Variants in CTNNA2 observed in about 807,000 individuals in gnomAD.
CTNNA2 encodes catenin alpha-2.
Under a neutral mutation model 101.0 loss-of-function variants are expected in CTNNA2, and 42 were observed. That is an observed-to-expected ratio of 0.42 (90% CI 0.32 to 0.54). CTNNA2 has a LOEUF of 0.54. Among genes scored for constraint, CTNNA2 ranks in the 20% least tolerant of loss-of-function variants. The pLI, the probability that CTNNA2 is intolerant of heterozygous loss-of-function variation, is 0.14. For synonymous variants in CTNNA2, 450 were observed against 456.4 expected, an observed-to-expected ratio of 0.99 and a Z score of 0.18; for missense variants, 871 against 1,223.1, an observed-to-expected ratio of 0.71 and a Z score of 4.29.
chr2:80,558,868 A>C (rs1289384534), intron 12 of CTNNA2, among the ~76,000 whole-genome samples: 1 of 152,116 alleles, frequency 6.6e-6, no homozygotes, highest in African/African-American at 2.4e-5. Flanking sequence ...TTTATTTTTA[A>C]AAAATTCTGT....
Position 79,270,374 on chromosome 2 carries a change from T to C in CTNNA2, c.-405-42335T>C, listed in dbSNP as rs374040530. ...TTTTTCTGATGTGCAATCTGCTTCCTTGCTAATGTCAGCCTTGATATTCTC... is the reference window on the plus strand; with the variant it reads ...TTTTTCTGATGTGCAATCTGCTTCCCTGCTAATGTCAGCCTTGATATTCTC... On this transcript the variant is annotated intron_variant, in intron 2 of 21. Coordinates refer to the CTNNA2 transcript ENST00000466387. 9.2e-5 allele frequency among the ~76,000 whole-genome samples: 14 copies of C among 152,268 alleles called. No homozygotes were observed. In the East Asian group the frequency reaches 1.6e-3, roughly 17 times the overall value.
chr2:79,627,856 T>A (rs1036983175), intron 1 of CTNNA2, among the ~76,000 whole-genome samples: 1 of 152,208 alleles, frequency 6.6e-6, no homozygotes, highest in Non-Finnish European at 1.5e-5. Context: ...ATTTGATGCC[T>A]TAAAAGTATA....
intron 7 of CTNNA2, among the ~76,000 whole-genome samples, chr2:80,180,081 C>T (rs1170848843): frequency 6.6e-6 from 1 of 152,110 alleles, no homozygotes; most frequent in Non-Finnish European, 1.5e-5. Context: ...CCAGTAGTCC[C>T]CGAAAGTTCT....
rs1674288409 is a variant in CTNNA2 at position 80,647,952 on chromosome 2, C to T, written c.*80C>T. 1 of 1,365,150 alleles carries T rather than the reference C, an allele frequency of 7.3e-7. No individual in the cohort carries two copies. The highest frequency in any genetic ancestry group is 1.5e-5 in the African/African-American group (1 of 68,382). The allele number at this position is 1,365,150 out of a possible 1,614,324, so 84.6% of individuals were successfully genotyped here. ...TTTTAATTCCATTTTTGTATGCATACCTGCCAGCTCGTATGCCTCTGGCAT... is the reference window on the plus strand; with the variant it reads ...TTTTAATTCCATTTTTGTATGCATATCTGCCAGCTCGTATGCCTCTGGCAT... On this transcript the variant is annotated 3_prime_UTR_variant, in exon 19 of 19. Transcript: ENST00000402739.
intron 7 of CTNNA2, among the ~76,000 whole-genome samples, chr2:80,097,764 C>A (rs1466892824): frequency 6.6e-6 from 1 of 152,136 alleles, no homozygotes; most frequent in Non-Finnish European, 1.5e-5. Context: ...TTTCGTCTTC[C>A]ATCGCTGATA....
At chr2:79,693,865 T>C (rs1343902633) in intron 2 of CTNNA2, among the ~76,000 whole-genome samples, 1 of 151,960 alleles carries the variant, frequency 6.6e-6, no homozygotes, top group Non-Finnish European at 1.5e-5. Flanking sequence ...AGCTGTGAAG[T>C]AATCATGGGG....
chr2:79,985,855 A>G (rs149584860), intron 7 of CTNNA2, among the ~76,000 whole-genome samples: 6 of 152,286 alleles, frequency 3.9e-5, no homozygotes, highest in African/African-American at 1.4e-4. Flanking sequence ...ATATCATACC[A>G]GGGCAAGTGC....
intron 7 of CTNNA2, among the ~76,000 whole-genome samples, chr2:80,135,541 G>C (rs114036083): frequency 6.6e-6 from 1 of 152,142 alleles, no homozygotes; most frequent in Non-Finnish European, 1.5e-5. Flanking sequence ...GCCCTCTCAG[G>C]GTGCAGGGAA....
chr2:79,353,959 G>C (rs576641908), intron 3 of CTNNA2, among the ~76,000 whole-genome samples: 2 of 151,954 alleles, frequency 1.3e-5, no homozygotes, highest in South Asian at 4.2e-4. Context: ...TTAAATTCTT[G>C]GTTGGAATTT....
At chr2:80,059,861 A>G (rs1248002151) in intron 7 of CTNNA2, among the ~76,000 whole-genome samples, 1 of 152,182 alleles carries the variant, frequency 6.6e-6, no homozygotes, top group African/African-American at 2.4e-5. Flanking sequence ...AGCCGTAACC[A>G]TTGAGCTGGC....
chr2:79,905,868 A>G (rs754792521), intron 6 of CTNNA2, among the ~76,000 whole-genome samples: 1 of 151,950 alleles, frequency 6.6e-6, no homozygotes, highest in East Asian at 1.9e-4. Flanking sequence ...CCTTCTTTTC[A>G]CTTTTTCATT....
chr2:79,874,378 A>AC (rs752595886), intron 6 of CTNNA2, 36 bp downstream of exon 6: 1 of 1,575,430 alleles, frequency 6.3e-7, no homozygotes, highest in African/African-American at 1.4e-5. Context: ...AGGGGTGGGC[A>AC]CTGGTGTTGA....
intron 5 of CTNNA2, 37 bp downstream of exon 5, chr2:79,869,972 G>C: frequency 6.2e-7 from 1 of 1,607,962 alleles, no homozygotes. Context: ...GGAGAAAATG[G>C]GTGAGTTTAA....
chr2:79,785,795 T>C (rs1674793190), intron 3 of CTNNA2, among the ~76,000 whole-genome samples: 1 of 152,118 alleles, frequency 6.6e-6, no homozygotes, highest in Non-Finnish European at 1.5e-5. Flanking sequence ...TCCATTGTGA[T>C]TGAGAAAATG....
rs372066926 is a variant in CTNNA2 at position 79,201,096 on chromosome 2, C to CT, written c.-406+3027dup. 4.6e-5 allele frequency among the ~76,000 whole-genome samples: 7 copies of CT among 151,926 alleles called. No individual in the cohort carries two copies. The East Asian group carries it at 5.8e-4, about 13-fold the overall frequency. On this transcript the variant is annotated intron_variant, in intron 2 of 21. Coordinates refer to the CTNNA2 transcript ENST00000466387. ...ATCAAAATAAAACATTTCCCCCCCC[C>CT]TTTTTTTGTGGAAATTTAGCCACAT...
At chr2:79,642,790 T>TC (rs1680536742) in intron 1 of CTNNA2, among the ~76,000 whole-genome samples, 1 of 145,822 alleles carries the variant, frequency 6.9e-6, no homozygotes, top group Non-Finnish European at 1.5e-5. Flanking sequence ...TTTTTTTTTT[T>TC]CCCTCAACTT....
chr2:79,562,810 G>T (rs1384792437), intron 1 of CTNNA2, among the ~76,000 whole-genome samples: 1 of 151,904 alleles, frequency 6.6e-6, no homozygotes, highest in Non-Finnish European at 1.5e-5. Context: ...TAATTTGAAA[G>T]AATACATCTA....
intron 4 of CTNNA2, among the ~76,000 whole-genome samples, chr2:79,437,002 G>C (rs1053708452): frequency 6.6e-6 from 1 of 152,036 alleles, no homozygotes; most frequent in Admixed American, 6.5e-5. Flanking sequence ...AGGAGGCTGA[G>C]GTGGGCAGAT....
At chr2:80,028,308 C>T (rs1695071874) in intron 7 of CTNNA2, 1 of 152,166 alleles carries the variant, frequency 6.6e-6, no homozygotes, top group Admixed American at 6.5e-5. Context: ...AAACTAGATG[C>T]CAGGTGGAAC....
Sources: gnomAD v4.1 joint callset for allele counts (sites outside exome capture counted in the v4.1 genomes callset) on GRCh38, gnomAD v4.1.1 for gene constraint, MANE v1.5 for transcripts, NCBI Gene and HGNC (gene_info 2026-07-23, HGNC 2026-07-21) for gene names.